Variants in BTBD9 observed in about 807,000 individuals in gnomAD.
BTBD9 encodes the protein BTB domain containing 9, also known as BTB/POZ domain-containing protein 9.
A neutral mutation model predicts 64.3 loss-of-function variants in BTBD9; 49 were observed. That is an observed-to-expected ratio of 0.76 (90% CI 0.61 to 0.97). The LOEUF (loss-of-function observed/expected upper bound fraction) is 0.97. BTBD9 is among the 50% of genes least tolerant of loss of function. The pLI is 0.00. For missense variants in BTBD9, 598 were observed against 762.1 expected (o/e 0.78, Z 2.53); for synonymous variants, 260 against 274.7 (o/e 0.95, Z 0.53).
intron 7 of BTBD9, among the ~76,000 whole-genome samples, chr6:38,310,027 C>A (rs777175827): frequency 1.3e-5 from 2 of 152,156 alleles, no homozygotes; most frequent in African/African-American, 2.4e-5. Flanking sequence ...AACACCAAAT[C>A]TCTTGTGCCT....
chr6:38,379,036 A>G (rs1765812184), intron 6 of BTBD9, among the ~76,000 whole-genome samples: 1 of 152,170 alleles, frequency 6.6e-6, no homozygotes, highest in Non-Finnish European at 1.5e-5. Context: ...ACTAGGCTAC[A>G]GCAAATTAAT....
chr6:38,487,056 T>G (rs1268713058), intron 6 of BTBD9, among the ~76,000 whole-genome samples: 1 of 152,194 alleles, frequency 6.6e-6, no homozygotes, highest in Non-Finnish European at 1.5e-5. Context: ...GTTAACTACT[T>G]GAATCTGTAC....
chr6:38,286,085 T>C (rs7763951), intron 8 of BTBD9, among the ~76,000 whole-genome samples: 27 of 152,206 alleles, frequency 1.8e-4, no homozygotes, highest in Non-Finnish European at 2.9e-4. Flanking sequence ...GGCTTGTCTC[T>C]TTCCCTCCCT....
At chr6:38,510,357 A>G (rs1772722369) in intron 6 of BTBD9, among the ~76,000 whole-genome samples, 1 of 152,228 alleles carries the variant, frequency 6.6e-6, no homozygotes, top group Admixed American at 6.5e-5. Context: ...GAGTAAAAAT[A>G]TAATTAGCAC....
chr6:38,320,570 C>T (rs1052953358), intron 7 of BTBD9, among the ~76,000 whole-genome samples: 3 of 152,140 alleles, frequency 2.0e-5, no homozygotes, highest in African/African-American at 7.2e-5. Flanking sequence ...AGAGAACTAA[C>T]CTCACTTCTG....
intron 9 of BTBD9, among the ~76,000 whole-genome samples, chr6:38,215,346 A>C (rs887917510): frequency 6.6e-6 from 1 of 152,180 alleles, no homozygotes; most frequent in African/African-American, 2.4e-5. Flanking sequence ...AAGCCCTTAG[A>C]GTGATGGAGA....
At chr6:38,326,757 C>CA (rs398001240) in intron 7 of BTBD9, among the ~76,000 whole-genome samples, 40,699 of 123,262 alleles carry the variant, frequency 0.33, 6,260 homozygotes, top group East Asian at 0.48. Flanking sequence ...AGAATCACTG[C>CA]AAAAAAAAAA....
At chr6:38,312,575 T>C (rs1421430131) in intron 7 of BTBD9, among the ~76,000 whole-genome samples, 4 of 152,220 alleles carry the variant, frequency 2.6e-5, no homozygotes. Context: ...TGATTTGATA[T>C]TTGTATATGG....
chr6:38,493,886 A>C (rs1437224747), intron 6 of BTBD9, among the ~76,000 whole-genome samples: 3 of 152,212 alleles, frequency 2.0e-5, no homozygotes, highest in African/African-American at 7.2e-5. Context: ...TTAACAGTAT[A>C]TTATTTTCAT....
intron 4 of BTBD9, among the ~76,000 whole-genome samples, chr6:38,589,416 T>C (rs1195144078): frequency 2.6e-5 from 4 of 152,142 alleles, no homozygotes; most frequent in African/African-American, 9.7e-5. Context: ...TCAAATCAAA[T>C]GCAGGGCAAG....
chr6:38,574,965 G>A (rs1442054653), intron 6 of BTBD9, among the ~76,000 whole-genome samples: 1 of 152,166 alleles, frequency 6.6e-6, no homozygotes, highest in Non-Finnish European at 1.5e-5. Context: ...CTCAGAGAGA[G>A]GACGGGGTAA....
At chr6:38,230,019 C>T (rs769971788) in intron 9 of BTBD9, among the ~76,000 whole-genome samples, 1 of 152,214 alleles carries the variant, frequency 6.6e-6, no homozygotes, top group Non-Finnish European at 1.5e-5. Context: ...GACCGCCAGT[C>T]CATTCTACCA....
chr6:38,596,407 G>C (rs1354149309), intron 2 of BTBD9, among the ~76,000 whole-genome samples: 1 of 152,092 alleles, frequency 6.6e-6, no homozygotes, highest in Non-Finnish European at 1.5e-5. Context: ...TCACCTAAAA[G>C]ATATCCTCAT....
chr6:38,168,846 C>T lies in BTBD9; in HGVS notation c.*6139G>A, dbSNP rs71571309. The T allele has an allele frequency of 0.027, 4,139 of 152,388 alleles. 85 individuals carry two copies. The highest frequency in any genetic ancestry group is 0.044 in the Middle Eastern group (13 of 294). The allele number at this position is 152,388 out of a possible 1,614,324, so 9.4% of individuals were successfully genotyped here. On this transcript the variant is annotated 3_prime_UTR_variant, in exon 11 of 11. Transcript: ENST00000481247. ...CTCTTGGGCCGAGCTCCAGGCCTAGCCCTGAGGACCCCTGGCCTCCTGGCG... is the reference window on the plus strand; with the variant it reads ...CTCTTGGGCCGAGCTCCAGGCCTAGTCCTGAGGACCCCTGGCCTCCTGGCG...
intron 1 of BTBD9, among the ~76,000 whole-genome samples, chr6:38,618,309 T>A (rs1777860006): frequency 6.6e-6 from 1 of 152,196 alleles, no homozygotes; most frequent in Admixed American, 6.5e-5. Flanking sequence ...GAGGGAAGTA[T>A]AAATTACAGT....
intron 6 of BTBD9, among the ~76,000 whole-genome samples, chr6:38,561,475 CA>C (rs1775261537): frequency 6.6e-6 from 1 of 151,872 alleles, no homozygotes; most frequent in African/African-American, 2.4e-5. Flanking sequence ...AATTGTTTTA[CA>C]AAAAAGATAC....
chr6:38,187,808 C>T (rs1041958135), intron 10 of BTBD9, among the ~76,000 whole-genome samples: 3 of 152,152 alleles, frequency 2.0e-5, no homozygotes, highest in Admixed American at 6.5e-5. Flanking sequence ...TTCGTTGCTG[C>T]GGTGCTCACA....
intron 6 of BTBD9, among the ~76,000 whole-genome samples, chr6:38,545,607 G>A (rs886642491): frequency 5.9e-5 from 9 of 151,490 alleles, no homozygotes; most frequent in South Asian, 2.1e-4. Context: ...GTGAAACCCC[G>A]TCTCTACTAA....
chr6:38,294,490 A>G (rs1762087591), intron 7 of BTBD9, among the ~76,000 whole-genome samples: 1 of 152,220 alleles, frequency 6.6e-6, no homozygotes, highest in Non-Finnish European at 1.5e-5. Context: ...GGATGAGTTC[A>G]TGTCCTTTGC....
Sources: allele counts gnomAD v4.1 joint callset (sites outside exome capture counted in the v4.1 genomes callset), GRCh38; gene constraint gnomAD v4.1.1; transcripts MANE v1.5; gene names NCBI Gene and HGNC (gene_info 2026-07-23, HGNC 2026-07-21).